The following TASP1 variants were observed in gnomAD, a reference collection of about 807,000 sequenced individuals.
TASP1 encodes threonine aspartase 1.
A neutral mutation model predicts 56.6 loss-of-function variants in TASP1; 16 were observed. The ratio of observed to expected loss-of-function variants is 0.28; its 90% CI spans 0.19 to 0.43. The LOEUF (loss-of-function observed/expected upper bound fraction) is 0.43, where lower values mean the gene tolerates loss of function less well. Among genes scored for constraint, TASP1 ranks in the 20% least tolerant of loss-of-function variants. The pLI is 1.00. For synonymous variants in TASP1, 179 were observed against 184.2 expected, an observed-to-expected ratio of 0.97 and a Z score of 0.23; for missense variants, 393 against 511.6, an observed-to-expected ratio of 0.77 and a Z score of 2.24.
chr20:13,616,637 T>C (rs1228997289), intron 4 of TASP1, among the ~76,000 whole-genome samples: 1 of 148,832 alleles, frequency 6.7e-6, no homozygotes, highest in Non-Finnish European at 1.5e-5. Context: ...TTTCTTTTTA[T>C]TCTTTAAAAA....
At chr20:13,211,215 C>T in the TASP1 span, among the ~76,000 whole-genome samples, 3 of 152,008 alleles carry the variant, frequency 2.0e-5, no homozygotes, top group Admixed American at 6.6e-5. Flanking sequence ...GCTATAATGA[C>T]GTATAGGTTT....
At chr20:13,595,646 T>G (rs2047700233) in intron 4 of TASP1, among the ~76,000 whole-genome samples, 1 of 152,028 alleles carries the variant, frequency 6.6e-6, no homozygotes, top group African/African-American at 2.4e-5. Context: ...TACATAATGG[T>G]AAAGGGATCA....
intron 10 of TASP1, among the ~76,000 whole-genome samples, chr20:13,485,473 AT>A (rs1035001195): frequency 2.0e-5 from 3 of 152,034 alleles, no homozygotes; most frequent in Admixed American, 2.0e-4. Context: ...AAAAGGATGA[AT>A]TTTTTTTAGA....
chr20:13,486,784 A>C (rs1354095685), intron 10 of TASP1, among the ~76,000 whole-genome samples: 1 of 151,816 alleles, frequency 6.6e-6, no homozygotes. Flanking sequence ...TCCACTGCCC[A>C]AAAAAAACTG....
the TASP1 span, among the ~76,000 whole-genome samples, chr20:13,248,267 G>T: frequency 1.3e-5 from 2 of 152,094 alleles, no homozygotes; most frequent in African/African-American, 4.8e-5. Flanking sequence ...AAGCAACAAG[G>T]GATCTGATAT....
chr20:13,293,166 C>T, the TASP1 span, among the ~76,000 whole-genome samples: 1 of 149,716 alleles, frequency 6.7e-6, no homozygotes, highest in Admixed American at 6.7e-5. Context: ...CGCCACTGCA[C>T]TCCAGCACTC....
intron 10 of TASP1, among the ~76,000 whole-genome samples, chr20:13,525,363 G>C (rs1403291149): frequency 6.6e-6 from 1 of 152,082 alleles, no homozygotes; most frequent in Admixed American, 6.6e-5. Context: ...TCTATCCCTA[G>C]CTAGGCAAAT....
chr20:13,214,755 G>A, the TASP1 span, among the ~76,000 whole-genome samples: 1 of 152,176 alleles, frequency 6.6e-6, no homozygotes, highest in Non-Finnish European at 1.5e-5. Context: ...AAAGCCTGGA[G>A]ACAATGGTGA....
the TASP1 span, among the ~76,000 whole-genome samples, chr20:13,383,956 A>ATTTAACT: frequency 0.018 from 2,703 of 152,296 alleles, 73 homozygotes; most frequent in African/African-American, 0.059. Flanking sequence ...ACCATTTACC[A>ATTTAACT]GGTGGGAAAG....
chr20:13,518,624 CCCA>C (rs2044622440), intron 10 of TASP1, among the ~76,000 whole-genome samples: 1 of 152,062 alleles, frequency 6.6e-6, no homozygotes, highest in South Asian at 2.1e-4. Flanking sequence ...ACTGGCTTAC[CCCA>C]CCACAATGTA....
At chr20:13,546,021 T>C (rs1487006125) in intron 8 of TASP1, among the ~76,000 whole-genome samples, 2 of 152,200 alleles carry the variant, frequency 1.3e-5, no homozygotes, top group Non-Finnish European at 2.9e-5. Flanking sequence ...TTCTAACACA[T>C]ACCAAATGGC....
At chr20:13,634,578 A>G (rs1477349760) in intron 1 of TASP1, among the ~76,000 whole-genome samples, 1 of 152,086 alleles carries the variant, frequency 6.6e-6, no homozygotes, top group East Asian at 1.9e-4. Context: ...AAAAATACAA[A>G]AATTAGCTGG....
rs185217863 is a variant in TASP1, at chr20:13,527,883, T to C, written c.874+550A>G. 3.7e-4 allele frequency among the ~76,000 whole-genome samples: 56 copies of C among 152,110 alleles called. No homozygotes were observed. The East Asian group carries it at 0.01, about 27-fold the overall frequency. ...CATGGGTCATTAGAAAAAATATAGA[T>C]CTATAAAAATATAATTAACCATAGT... is the stretch of plus-strand genomic sequence containing the variant. On this transcript the variant is annotated intron_variant, in intron 10 of 13. Transcript: ENST00000337743.
chr20:13,245,506 A>T, the TASP1 span: 2 of 152,110 alleles, frequency 1.3e-5, no homozygotes, highest in African/African-American at 4.8e-5. Flanking sequence ...AAGGGAGGGG[A>T]TTGCACAAGG....
At chr20:13,504,777 A>T (rs2044069327) in intron 10 of TASP1, among the ~76,000 whole-genome samples, 1 of 152,180 alleles carries the variant, frequency 6.6e-6, no homozygotes, top group South Asian at 2.1e-4. Flanking sequence ...CTGTTAGCTT[A>T]AAATAGATTT....
intron 10 of TASP1, among the ~76,000 whole-genome samples, chr20:13,499,053 T>C (rs1331330464): frequency 1.3e-5 from 2 of 152,102 alleles, no homozygotes; most frequent in Non-Finnish European, 2.9e-5. Context: ...AGCAAAGACA[T>C]AGAATCAACC....
At chr20:13,469,554 G>A (rs944720771) in intron 11 of TASP1, among the ~76,000 whole-genome samples, 1 of 151,992 alleles carries the variant, frequency 6.6e-6, no homozygotes, top group African/African-American at 2.4e-5. Context: ...CTATTTGTAA[G>A]AAGAAAGGAA....
the TASP1 span, among the ~76,000 whole-genome samples, chr20:13,195,464 C>A: frequency 8.5e-5 from 13 of 152,310 alleles, no homozygotes; most frequent in African/African-American, 3.1e-4. Flanking sequence ...TCAGGCTAGC[C>A]TGTGAGTGAC....
At chr20:13,278,694 G>A in the TASP1 span, among the ~76,000 whole-genome samples, 3 of 152,330 alleles carry the variant, frequency 2.0e-5, no homozygotes, top group African/African-American at 7.2e-5. Context: ...TTGAGACAAT[G>A]ACCACGGGAT....
Sources: allele counts gnomAD v4.1 joint callset (sites outside exome capture counted in the v4.1 genomes callset), GRCh38; gene constraint gnomAD v4.1.1; transcripts MANE v1.5; gene names NCBI Gene and HGNC (gene_info 2026-07-23, HGNC 2026-07-21).